Variants in PPHLN1 observed in about 807,000 individuals in gnomAD.
PPHLN1 encodes the protein periphilin 1, also known as periphilin-1.
In PPHLN1, 29 loss-of-function variants were observed where a neutral mutation model predicts 51.3. The ratio of observed to expected loss-of-function variants is 0.57; its 90% CI spans 0.42 to 0.77. The LOEUF is 0.77. PPHLN1 is among the 30% of genes least tolerant of loss of function. The pLI, the probability that PPHLN1 is intolerant of heterozygous loss-of-function variation, is 0.00. For synonymous variants in PPHLN1, 147 were observed against 147.8 expected (o/e 0.99, Z 0.04); for missense variants, 436 against 438.4 (o/e 0.99, Z 0.05).
At chr12:42,358,194 T>C (rs1452796397) in intron 4 of PPHLN1, among the ~76,000 whole-genome samples, 2 of 152,138 alleles carry the variant, frequency 1.3e-5, no homozygotes, top group Non-Finnish European at 2.9e-5. Context: ...AAAATAACAG[T>C]TTTTATGTTA....
At chr12:42,397,957 C>T (rs907649543) in intron 8 of PPHLN1, among the ~76,000 whole-genome samples, 38 of 149,240 alleles carry the variant, frequency 2.5e-4, no homozygotes, top group African/African-American at 6.4e-4. Flanking sequence ...CTCTTGACCT[C>T]GTGATCCGCC....
chr12:42,377,880 C>G (rs988719853), intron 5 of PPHLN1, among the ~76,000 whole-genome samples: 1 of 152,152 alleles, frequency 6.6e-6, no homozygotes, highest in African/African-American at 2.4e-5. Flanking sequence ...GGCCAAAACT[C>G]TAAGATCTTG....
At chr12:42,331,348 G>A (rs1161649810) in intron 1 of PPHLN1, among the ~76,000 whole-genome samples, 2 of 152,182 alleles carry the variant, frequency 1.3e-5, no homozygotes, top group Non-Finnish European at 2.9e-5. Context: ...AACCAGTTTG[G>A]TTAAAATGAA....
At chr12:42,370,237 T>C (rs917727058) in intron 4 of PPHLN1, among the ~76,000 whole-genome samples, 7 of 152,160 alleles carry the variant, frequency 4.6e-5, no homozygotes, top group East Asian at 1.9e-4. Flanking sequence ...CTGGTGAGGG[T>C]TGATGCCCAT....
At position 42,348,276 on chromosome 12, in the gene PPHLN1, A is replaced by ATTTTTTTTTT. The variant is rs1213561958; in HGVS notation, c.73-3593_73-3584dup. Among the ~76,000 whole-genome samples the ATTTTTTTTTT allele has an allele frequency of 7.4e-4, 63 of 85,600 alleles. 2 individuals are homozygous for ATTTTTTTTTT. Among genetic ancestry groups the ATTTTTTTTTT allele is most frequent in the South Asian group, 1.2e-3 (3 of 2,454 alleles). The allele number at this position is 85,600 out of a possible 152,430, so 56.2% of individuals were successfully genotyped here. On this transcript the variant is annotated intron_variant, in intron 2 of 9. Coordinates refer to ENST00000358314, the MANE Select transcript of PPHLN1 (RefSeq NM_201439.2). Reference sequence around the variant, plus strand: ...CAGGCATGCACACCTCACCTGGCTAATTTTTTTTTTTTTTTTTTTTTTTTT... The same window carrying ATTTTTTTTTT: ...CAGGCATGCACACCTCACCTGGCTAATTTTTTTTTTTTTTTTTTTTTTTTTTTTTTTTTTT...
At chr12:42,357,400 G>C (rs1431666772) in intron 4 of PPHLN1, among the ~76,000 whole-genome samples, 1 of 152,178 alleles carries the variant, frequency 6.6e-6, no homozygotes, top group African/African-American at 2.4e-5. Context: ...GATGTAAACA[G>C]TGTTGTACTG....
chr12:42,332,894 T>C (rs1429602067), intron 1 of PPHLN1, among the ~76,000 whole-genome samples: 2 of 152,206 alleles, frequency 1.3e-5, no homozygotes, highest in African/African-American at 2.4e-5. Flanking sequence ...ACATTCATCA[T>C]TTTTATCATC....
intron 1 of PPHLN1, among the ~76,000 whole-genome samples, chr12:42,329,209 C>T (rs534522240): frequency 6.6e-6 from 1 of 151,726 alleles, no homozygotes; most frequent in African/African-American, 2.4e-5. Flanking sequence ...TCATGCCATT[C>T]TCCTGCCTCA....
intron 1 of PPHLN1, among the ~76,000 whole-genome samples, chr12:42,331,565 G>C (rs890862337): frequency 5.3e-5 from 8 of 152,266 alleles, no homozygotes; most frequent in African/African-American, 1.9e-4. Flanking sequence ...TTTCTTTCTG[G>C]AATTAAATAT....
At chr12:42,362,191 G>A (rs963343576) in intron 4 of PPHLN1, among the ~76,000 whole-genome samples, 2 of 152,080 alleles carry the variant, frequency 1.3e-5, no homozygotes, top group African/African-American at 4.8e-5. Flanking sequence ...GTATATCTTT[G>A]GAGTAATGTC....
At chr12:42,332,405 G>GA (rs2069890989) in intron 1 of PPHLN1, among the ~76,000 whole-genome samples, 1 of 152,092 alleles carries the variant, frequency 6.6e-6, no homozygotes, top group South Asian at 2.1e-4. Context: ...TAAGAGAGAT[G>GA]ACCTGCCCAG....
intron 9 of PPHLN1, among the ~76,000 whole-genome samples, chr12:42,417,979 G>A (rs1344945026): frequency 1.5e-4 from 18 of 119,442 alleles, no homozygotes; most frequent in Admixed American, 1.1e-3. Context: ...TCGCTCTGTC[G>A]CCCAGGCTGG....
chr12:42,445,906 A>G, downstream of PPHLN1: 4 of 1,444,994 alleles, frequency 2.8e-6, no homozygotes, highest in South Asian at 4.5e-5. Context: ...AAATAGTAAT[A>G]TATGGCATGG....
intron 9 of PPHLN1, chr12:42,431,981 G>C (rs2082077115): frequency 1.4e-6 from 2 of 1,475,000 alleles, no homozygotes; most frequent in Non-Finnish European, 1.9e-6. Context: ...TCTGCAGTCT[G>C]ATCTGATTCT....
chr12:42,417,698 T>C (rs1287043902), intron 9 of PPHLN1, among the ~76,000 whole-genome samples: 1 of 139,346 alleles, frequency 7.2e-6, no homozygotes, highest in Non-Finnish European at 1.6e-5. Context: ...GTGGTGAAGA[T>C]GATGATTTTA....
In PPHLN1 at chr12:42,441,867, A is replaced by G. The variant is rs1387101961; in HGVS notation, c.*358A>G. 14 of 1,008,470 alleles carry G rather than the reference A, an allele frequency of 1.4e-5. No homozygotes were observed. The highest frequency in any genetic ancestry group is 1.7e-5 in the Non-Finnish European group (14 of 845,858). 62.5% of individuals were successfully genotyped at this position (1,008,470 alleles called of 1,614,324 possible). On this transcript the variant is annotated 3_prime_UTR_variant, in exon 10 of 10. Coordinates refer to ENST00000358314, the MANE Select transcript of PPHLN1 (RefSeq NM_201439.2). ...TGTTAGAATTCTGAGTTGTGATTTT[A>G]TTGACTTGTTGCTTGCTTTTTCTTA... is the stretch of plus-strand genomic sequence containing the variant.
chr12:42,416,143 A>G (rs1181397379), intron 9 of PPHLN1, among the ~76,000 whole-genome samples: 5 of 151,916 alleles, frequency 3.3e-5, no homozygotes, highest in East Asian at 1.9e-4. Context: ...GGGTAAAATC[A>G]TCTTACATGT....
chr12:42,357,681 G>A (rs1281781501), intron 4 of PPHLN1, among the ~76,000 whole-genome samples: 1 of 152,036 alleles, frequency 6.6e-6, no homozygotes, highest in Non-Finnish European at 1.5e-5. Flanking sequence ...CTCCTCCAAA[G>A]AAATACCTCC....
chr12:42,445,178 G>T, downstream of PPHLN1: 1 of 700,296 alleles, frequency 1.4e-6, no homozygotes, highest in Admixed American at 2.0e-5. Flanking sequence ...ACAGCTCACT[G>T]CCTGACCCAC....
Sources: allele counts gnomAD v4.1 joint callset (sites outside exome capture counted in the v4.1 genomes callset), GRCh38; gene constraint gnomAD v4.1.1; transcripts MANE v1.5; gene names NCBI Gene and HGNC (gene_info 2026-07-23, HGNC 2026-07-21).